PDGFRL: variants seen among roughly 807,000 people sequenced by gnomAD.
PDGFRL encodes platelet-derived growth factor receptor-like protein.
Under a neutral mutation model 37.2 loss-of-function variants are expected in PDGFRL, and 46 were observed. The observed-to-expected ratio is 1.24, with a 90% CI of 0.98 to 1.58. The LOEUF is 1.58. PDGFRL is among the 40% of genes most tolerant of loss of function. PDGFRL has a pLI of 0.00. For synonymous variants in PDGFRL, 251 were observed against 184.3 expected (o/e 1.36, Z -2.93); for missense variants, 692 against 467.6 (o/e 1.48, Z -4.43).
chr8:17,597,119 C>T (rs1421467542), intron 2 of PDGFRL, among the ~76,000 whole-genome samples: 1 of 152,206 alleles, frequency 6.6e-6, no homozygotes, highest in African/African-American at 2.4e-5. Flanking sequence ...CTCTCATGTT[C>T]AAGCAATTCT....
At chr8:17,613,443 G>A (rs1804462072) in intron 2 of PDGFRL, among the ~76,000 whole-genome samples, 1 of 152,184 alleles carries the variant, frequency 6.6e-6, no homozygotes. Flanking sequence ...GGGGGACTTC[G>A]CAGTATGGCG....
rs1469447352 is a variant in PDGFRL, at chr8:17,634,125, A to T, written c.851A>T (p.Lys284Ile). ...ATCTTGGCTTCTTCAAACAAAGTGA[A>T]AAGTGGGGACGACATCAGTGTGCTC... ...TTILASSNKV[K>I]SGDDISVLCT... The change falls in exon 5 of 6, where the codon AAA (lysine) becomes ATA (isoleucine). Residue 284 changes from lysine (K) to isoleucine (I), a missense_variant. Transcript: ENST00000251630. 6.2e-7 allele frequency: 1 copy of T among 1,613,846 alleles called. No homozygotes were observed.
intron 1 of PDGFRL, among the ~76,000 whole-genome samples, chr8:17,583,440 C>A (rs1033543683): frequency 5.3e-5 from 8 of 152,198 alleles, no homozygotes; most frequent in African/African-American, 1.9e-4. Flanking sequence ...CTGTAAGGAA[C>A]TTGCCTCAAG....
intron 4 of PDGFRL, among the ~76,000 whole-genome samples, chr8:17,630,007 AAG>A (rs1370369283): frequency 6.6e-6 from 1 of 152,140 alleles, no homozygotes; most frequent in Non-Finnish European, 1.5e-5. Context: ...CTGTCCAGGA[AAG>A]AACCACCCCG....
At chr8:17,579,175 G>A (rs932518677) in intron 1 of PDGFRL, among the ~76,000 whole-genome samples, 10 of 152,146 alleles carry the variant, frequency 6.6e-5, no homozygotes, top group East Asian at 1.9e-4. Context: ...CCAGCTGGGC[G>A]ACAAAGTGAG....
intron 5 of PDGFRL, among the ~76,000 whole-genome samples, chr8:17,636,979 T>C (rs550398170): frequency 7.3e-4 from 111 of 152,352 alleles, no homozygotes; most frequent in South Asian, 3.9e-3. Flanking sequence ...CCTGAAACTT[T>C]GCTAAATTCA....
At chr8:17,620,826 AT>A (rs1585324703) in intron 2 of PDGFRL, among the ~76,000 whole-genome samples, 1 of 149,286 alleles carries the variant, frequency 6.7e-6, no homozygotes, top group South Asian at 2.1e-4. Flanking sequence ...TAAAAATGTC[AT>A]TTTTTTCCTG....
At chr8:17,589,972 C>G (rs1238082356) in intron 2 of PDGFRL, among the ~76,000 whole-genome samples, 1 of 151,910 alleles carries the variant, frequency 6.6e-6, no homozygotes, top group African/African-American at 2.4e-5. Context: ...TGGCTCATGC[C>G]TGTAATCCCA....
At position 17,627,664 on chromosome 8, in the gene PDGFRL, C is replaced by A. The variant is rs576701205; in HGVS notation, c.506-823C>A. Among the ~76,000 whole-genome samples, 14 of 150,672 alleles carry A rather than the reference C, an allele frequency of 9.3e-5. No homozygotes were observed. The East Asian group carries it at 2.8e-3, about 30-fold the overall frequency. ...TTTTTTTTTTTATTTTTAGTTGAGA[C>A]GGGGTTTCACCATGTTGCCCAGGCT... is the stretch of plus-strand genomic sequence containing the variant. On this transcript the variant is annotated intron_variant, in intron 3 of 5. Transcript: ENST00000251630.
At chr8:17,641,622 C>T (rs1805094870) in intron 5 of PDGFRL, among the ~76,000 whole-genome samples, 2 of 152,190 alleles carry the variant, frequency 1.3e-5, no homozygotes, top group African/African-American at 4.8e-5. Context: ...GTAGACTTCT[C>T]ATAAAAGCAA....
At chr8:17,600,047 T>A (rs1563512662) in intron 2 of PDGFRL, among the ~76,000 whole-genome samples, 1 of 152,178 alleles carries the variant, frequency 6.6e-6, no homozygotes, top group Non-Finnish European at 1.5e-5. Flanking sequence ...CCTGCAGCCA[T>A]CTTCCTCTCT....
chr8:17,619,270 C>A (rs895898092), intron 2 of PDGFRL, among the ~76,000 whole-genome samples: 12 of 152,118 alleles, frequency 7.9e-5, no homozygotes, highest in Non-Finnish European at 1.6e-4. Context: ...CTCAGGGGAA[C>A]CTCCAGTGTG....
chr8:17,578,691 A>T (rs1187118189), intron 1 of PDGFRL, among the ~76,000 whole-genome samples: 1 of 152,194 alleles, frequency 6.6e-6, no homozygotes. Context: ...CCAGTCTTAG[A>T]GGCTCAGAAA....
At chr8:17,585,376 G>C (rs73198127) in intron 1 of PDGFRL, among the ~76,000 whole-genome samples, 15 of 152,078 alleles carry the variant, frequency 9.9e-5, no homozygotes, top group African/African-American at 3.6e-4. Context: ...TCTCTGGTTC[G>C]AATCTCTGAC....
chr8:17,640,965 T>C (rs1252921637), intron 5 of PDGFRL, among the ~76,000 whole-genome samples: 12 of 152,006 alleles, frequency 7.9e-5, no homozygotes, highest in Admixed American at 7.9e-4. Flanking sequence ...CTGTTGGGAC[T>C]GGCGGTGTGG....
rs1446836808 is a variant in PDGFRL, at chr8:17,642,927, C to CGTGA, written c.*129_*132dup. The CGTGA allele has an allele frequency of 1.6e-6, 1 of 627,118 alleles. No individual in the cohort carries two copies. The highest frequency in any genetic ancestry group is 2.8e-6 in the Non-Finnish European group (1 of 355,558). 38.8% of individuals were successfully genotyped at this position (627,118 alleles called of 1,614,324 possible). On this transcript the variant is annotated 3_prime_UTR_variant, in exon 6 of 6. Coordinates refer to ENST00000251630, the MANE Select transcript of PDGFRL (RefSeq NM_001372073.1). ...GCACCACACCCCAACCCCAGCGTCTCGTGAGTCCGACCCAGACATCCAAAC... is the reference window on the plus strand; with the variant it reads ...GCACCACACCCCAACCCCAGCGTCTCGTGAGTGAGTCCGACCCAGACATCCAAAC...
At chr8:17,597,463 GA>G (rs760397882) in intron 2 of PDGFRL, among the ~76,000 whole-genome samples, 1 of 152,154 alleles carries the variant, frequency 6.6e-6, no homozygotes, top group Non-Finnish European at 1.5e-5. Flanking sequence ...GGCCAACAGA[GA>G]GAGCAATTAA....
intron 2 of PDGFRL, among the ~76,000 whole-genome samples, chr8:17,618,755 C>T (rs1804577269): frequency 6.6e-6 from 1 of 152,128 alleles, no homozygotes; most frequent in African/African-American, 2.4e-5. Flanking sequence ...ATACTCTGCA[C>T]AGATTTGTTG....
intron 2 of PDGFRL, among the ~76,000 whole-genome samples, chr8:17,590,623 AGTCGCTTGAAC>A (rs1803916436): frequency 1.3e-5 from 2 of 151,874 alleles, no homozygotes; most frequent in African/African-American, 4.8e-5. Flanking sequence ...GAGGCAGAAG[AGTCGCTTGAAC>A]CCGGGATGCA....
Sources: allele counts gnomAD v4.1 joint callset (sites outside exome capture counted in the v4.1 genomes callset), GRCh38; gene constraint gnomAD v4.1.1; transcripts MANE v1.5; gene names NCBI Gene and HGNC (gene_info 2026-07-23, HGNC 2026-07-21).